Variants in SOX5 observed in about 807,000 individuals in gnomAD.
The protein encoded by SOX5 is transcription factor SOX-5.
A neutral mutation model predicts 92.0 loss-of-function variants in SOX5; 9 were observed. The observed-to-expected ratio is 0.10, with a 90% CI of 0.06 to 0.17. The LOEUF (loss-of-function observed/expected upper bound fraction) is 0.17, where lower values mean the gene tolerates loss of function less well. Ranked by LOEUF, SOX5 falls within the 10% of genes least tolerant of loss-of-function variation. The pLI is 1.00. For synonymous variants in SOX5, 344 were observed against 336.3 expected, an observed-to-expected ratio of 1.02 and a Z score of -0.25; for missense variants, 642 against 944.5, an observed-to-expected ratio of 0.68 and a Z score of 4.20.
intron 3 of SOX5, among the ~76,000 whole-genome samples, chr12:23,814,508 G>T (rs369745742): frequency 5.3e-5 from 8 of 152,230 alleles, no homozygotes; most frequent in African/African-American, 1.9e-4. Context: ...GATATTTCTT[G>T]AGCTTATTTC....
chr12:23,586,266 CCT>C (rs774862143), intron 9 of SOX5, among the ~76,000 whole-genome samples: 27 of 152,084 alleles, frequency 1.8e-4, no homozygotes, highest in Admixed American at 1.3e-3. Flanking sequence ...GCCATCTACC[CCT>C]GTCTCTTGTT....
chr12:23,987,532 C>G (rs1049645989), intron 4 of SOX5, among the ~76,000 whole-genome samples: 2 of 152,184 alleles, frequency 1.3e-5, no homozygotes, highest in Non-Finnish European at 2.9e-5. Context: ...GTGGTTCACC[C>G]CTACAATCCT....
At chr12:23,911,716 A>G (rs2097353611) in intron 1 of SOX5, among the ~76,000 whole-genome samples, 1 of 152,042 alleles carries the variant, frequency 6.6e-6, no homozygotes, top group Admixed American at 6.6e-5. Context: ...GGTTTGAATG[A>G]CTCCCACTAA....
At chr12:24,422,525 C>T (rs901751129) in intron 1 of SOX5, among the ~76,000 whole-genome samples, 1 of 152,124 alleles carries the variant, frequency 6.6e-6, no homozygotes. Context: ...GTCACCTGAA[C>T]CCACAACAAA....
intron 7 of SOX5, among the ~76,000 whole-genome samples, chr12:23,660,451 G>C (rs562479886): frequency 6.6e-6 from 1 of 152,250 alleles, no homozygotes; most frequent in East Asian, 1.9e-4. Context: ...CTGATCCCAA[G>C]TCCAGGCTCT....
intron 4 of SOX5, among the ~76,000 whole-genome samples, chr12:24,043,420 A>T (rs549274766): frequency 7.9e-5 from 12 of 152,218 alleles, no homozygotes; most frequent in Admixed American, 1.3e-4. Context: ...TGATATAAAA[A>T]CACATTGCCC....
chr12:24,374,373 C>T (rs1403270867), intron 1 of SOX5, among the ~76,000 whole-genome samples: 1 of 152,048 alleles, frequency 6.6e-6, no homozygotes, highest in African/African-American at 2.4e-5. Context: ...AAATAAAAAG[C>T]CACCGCTAAA....
At chr12:24,283,589 CT>C (rs1230226705) in intron 2 of SOX5, among the ~76,000 whole-genome samples, 1 of 152,144 alleles carries the variant, frequency 6.6e-6, no homozygotes, top group Non-Finnish European at 1.5e-5. Flanking sequence ...TAAACTCCGT[CT>C]TTTTAAGAAC....
intron 3 of SOX5, among the ~76,000 whole-genome samples, chr12:23,781,619 A>C (rs2095281265): frequency 1.3e-5 from 2 of 151,968 alleles, no homozygotes; most frequent in African/African-American, 4.8e-5. Context: ...AGCCAAAGAA[A>C]ATTTAACACT....
chr12:24,289,447 T>C (rs1946338935), intron 2 of SOX5, among the ~76,000 whole-genome samples: 1 of 119,436 alleles, frequency 8.4e-6, no homozygotes, highest in Admixed American at 1.0e-4. Flanking sequence ...TTAAGGACAT[T>C]TGTATCTTTT....
intron 2 of SOX5, among the ~76,000 whole-genome samples, chr12:23,879,002 T>C (rs2096958697): frequency 6.6e-6 from 1 of 152,172 alleles, no homozygotes; most frequent in Non-Finnish European, 1.5e-5. Context: ...TTTTTTGACA[T>C]GTTGCTGCTT....
intron 2 of SOX5, among the ~76,000 whole-genome samples, chr12:24,323,048 C>T (rs1950351454): frequency 6.6e-6 from 1 of 151,818 alleles, no homozygotes. Context: ...TAAGTGTGGT[C>T]TCTGGTCCAG....
intron 4 of SOX5, among the ~76,000 whole-genome samples, chr12:24,208,698 A>G (rs1279587534): frequency 6.6e-6 from 1 of 152,230 alleles, no homozygotes; most frequent in Non-Finnish European, 1.5e-5. Flanking sequence ...TTCACGCCAA[A>G]TTTATTCAAC....
intron 4 of SOX5, among the ~76,000 whole-genome samples, chr12:24,130,490 T>C (rs1461253636): frequency 2.0e-5 from 3 of 152,228 alleles, no homozygotes; most frequent in Non-Finnish European, 2.9e-5. Flanking sequence ...TTTGAAATCC[T>C]GCATTGTTAA....
intron 4 of SOX5, among the ~76,000 whole-genome samples, chr12:23,981,647 C>A (rs987841601): frequency 2.0e-5 from 3 of 152,076 alleles, no homozygotes; most frequent in Non-Finnish European, 2.9e-5. Flanking sequence ...AATATTATTT[C>A]TGAGCAAAGA....
At chr12:23,729,925 A>T (rs2093327005) in intron 6 of SOX5, among the ~76,000 whole-genome samples, 1 of 152,164 alleles carries the variant, frequency 6.6e-6, no homozygotes, top group South Asian at 2.1e-4. Flanking sequence ...TCTCACACAC[A>T]TGCCCAAAAC....
chr12:24,060,706 A>T (rs1041379044), intron 4 of SOX5, among the ~76,000 whole-genome samples: 1 of 152,218 alleles, frequency 6.6e-6, no homozygotes, highest in African/African-American at 2.4e-5. Flanking sequence ...GGACCCACTC[A>T]AGCCAAACTA....
chr12:24,073,369 TAAGTTTACGACCCCATGG>T (rs1214428659), intron 4 of SOX5, among the ~76,000 whole-genome samples: 1 of 152,202 alleles, frequency 6.6e-6, no homozygotes, highest in African/African-American at 2.4e-5. Flanking sequence ...TCTAAAAATT[TAAGTTTACGACCCCATGG>T]ACAATCTTGA....
At chr12:24,045,965 C>T (rs949226306) in intron 4 of SOX5, among the ~76,000 whole-genome samples, 2 of 152,260 alleles carry the variant, frequency 1.3e-5, no homozygotes, top group African/African-American at 2.4e-5. Flanking sequence ...TCAACGGAGG[C>T]TTGTGGTCAT....
Sources: allele counts gnomAD v4.1 joint callset (sites outside exome capture counted in the v4.1 genomes callset), GRCh38; gene constraint gnomAD v4.1.1; transcripts MANE v1.5; gene names NCBI Gene and HGNC (gene_info 2026-07-23, HGNC 2026-07-21).